Variants in SFI1 observed in about 807,000 individuals in gnomAD.
The protein encoded by SFI1 is SFI1 centrin binding protein, also known as protein SFI1 homolog.
Under a neutral mutation model 207.5 loss-of-function variants are expected in SFI1, and 195 were observed. The observed-to-expected ratio is 0.94, with a 90% CI of 0.84 to 1.06. The LOEUF (loss-of-function observed/expected upper bound fraction) is 1.06, where lower values mean the gene tolerates loss of function less well. Among genes scored for constraint, SFI1 ranks in the 50% least tolerant of loss-of-function variants. The pLI is 0.00. For missense variants in SFI1, 1,634 were observed against 1,588.0 expected (o/e 1.03, Z -0.49); for synonymous variants, 630 against 598.9 (o/e 1.05, Z -0.76).
chr22:31,579,948 G>A (rs2063918454), intron 11 of SFI1: 1 of 201,988 alleles, frequency 5.0e-6, no homozygotes, highest in Admixed American at 5.9e-5. Context: ...GGCAACAGTT[G>A]ATGTTTACCT....
At chr22:31,557,306 G>T (rs1415748993) in intron 7 of SFI1, among the ~76,000 whole-genome samples, 1 of 151,116 alleles carries the variant, frequency 6.6e-6, no homozygotes, top group African/African-American at 2.4e-5. Context: ...AGCCTCCCAA[G>T]TAGCTAGGAC....
Position 31,602,710 on chromosome 22 carries a change from G to T in SFI1, c.1730G>T (p.Cys577Phe). The change falls in exon 17 of 33, where the codon TGT becomes TTT. Residue 577 changes from cysteine to phenylalanine, a missense_variant. Physicochemically the swap from Cys to Phe is radical, Grantham distance 205. Coordinates refer to ENST00000400288, the MANE Select transcript of SFI1 (RefSeq NM_001007467.3). ...GAGCAGGAGTGGCAAACAGTGGCCT[G>T]TGCCCACCACCGCCACGGGCGGCTC... ...HQEQEWQTVA[C>F]AHHRHGRLKK... 1 of 1,614,040 alleles carries T rather than the reference G, an allele frequency of 6.2e-7. No homozygotes were observed. Among genetic ancestry groups the T allele is most frequent in the East Asian group, 2.2e-5 (1 of 44,886 alleles).
At chr22:31,507,602 C>T (rs2054832730) in intron 1 of SFI1, among the ~76,000 whole-genome samples, 1 of 152,140 alleles carries the variant, frequency 6.6e-6, no homozygotes, top group African/African-American at 2.4e-5. Flanking sequence ...AAAATTTTTG[C>T]ACTCTGTCCA....
At position 31,616,786 on chromosome 22, in the gene SFI1, C is replaced by G. The variant is rs961035954; in HGVS notation, c.3342C>G (p.Val1114=). ...QRATPRDKPP[V]PSSLASVPDP... The stretch of plus-strand genomic sequence containing the variant: ...CTACTCCTAGGGATAAGCCCCCGGT[C>G]CCCTCATCCCTGGCCAGTGTCCCTG... Residue 1114 remains valine, a synonymous_variant, in exon 30 of 33, where the codon GTC becomes GTG. Transcript: ENST00000400288. 3.1e-6 allele frequency: 5 copies of G among 1,600,280 alleles called. No individual in the cohort carries two copies. The highest frequency in any genetic ancestry group is 1.8e-5 in the Admixed American group (1 of 57,028).
At chr22:31,578,314 G>A in intron 10 of SFI1, 68 bp from the exon 11 acceptor site, 3 of 1,468,572 alleles carry the variant, frequency 2.0e-6, no homozygotes, top group Admixed American at 1.9e-5. Flanking sequence ...CTTCAAGGTG[G>A]CTTGCTGAGA....
Position 31,546,947 on chromosome 22 carries a change from G to T in SFI1, c.425G>T (p.Cys142Phe). 6.2e-7 allele frequency: 1 copy of T among 1,611,374 alleles called. No individual in the cohort carries two copies. Reference protein sequence around the residue: ...WWVFQHEWKLCVRADCHYRYY... With the variant: ...WWVFQHEWKLFVRADCHYRYY... ...GTTTTCCAGCACGAGTGGAAACTCTGTGTTCGAGCTGACTGTCACTACAGG... is the reference window on the plus strand; with the variant it reads ...GTTTTCCAGCACGAGTGGAAACTCTTTGTTCGAGCTGACTGTCACTACAGG... Residue 142 changes from cysteine (C) to phenylalanine (F), a missense_variant, in exon 5 of 33, where the codon TGT becomes TTT. By Grantham distance (205) the Cys-to-Phe change is radical. Transcript: ENST00000400288.
intron 22 of SFI1, among the ~76,000 whole-genome samples, chr22:31,610,814 C>A (rs905234048): frequency 1.3e-5 from 2 of 152,214 alleles, no homozygotes; most frequent in African/African-American, 2.4e-5. Flanking sequence ...TCTTCTTCCA[C>A]GTGCCCAGCA....
chr22:31,579,746 C>T (rs1424621655), intron 11 of SFI1, among the ~76,000 whole-genome samples: 1 of 152,182 alleles, frequency 6.6e-6, no homozygotes, highest in Non-Finnish European at 1.5e-5. Context: ...GCCACTGCAC[C>T]TGGCCTTTTA....
chr22:31,606,570 C>A, intron 21 of SFI1, 140 bp downstream of exon 21: 1 of 609,142 alleles, frequency 1.6e-6, no homozygotes, highest in Non-Finnish European at 2.9e-6. Context: ...CCAGCACACA[C>A]ACAAACATCC....
intron 2 of SFI1, among the ~76,000 whole-genome samples, chr22:31,510,222 T>C (rs1008218578): frequency 3.3e-5 from 5 of 151,998 alleles, no homozygotes; most frequent in Admixed American, 3.3e-4. Context: ...AGAGACAGGG[T>C]CTTGCTCTGT....
intron 8 of SFI1, among the ~76,000 whole-genome samples, chr22:31,568,183 GTGTGTGTGTGTTGTGTGTGTGTGTGTGTA>G (rs1410860578): frequency 1.3e-3 from 162 of 120,374 alleles, no homozygotes; most frequent in East Asian, 3.7e-3. Flanking sequence ...GTGTGTGTGT[GTGTGTGTGTGTTGTGTGTGTGTGTGTGTA>G]TATATATATA....
chr22:31,548,673 G>C (rs1433865962), intron 5 of SFI1, among the ~76,000 whole-genome samples: 1 of 151,668 alleles, frequency 6.6e-6, no homozygotes, highest in South Asian at 2.1e-4. Flanking sequence ...GCTGGGCATG[G>C]TGGCATGTGC....
At chr22:31,576,392 C>T (rs544993633) in intron 10 of SFI1, among the ~76,000 whole-genome samples, 4 of 152,114 alleles carry the variant, frequency 2.6e-5, no homozygotes, top group East Asian at 1.9e-4. Context: ...GCCATCTCAG[C>T]TTACCGCAAC....
At position 31,613,394 on chromosome 22, in the gene SFI1, G is replaced by C. The variant is rs1176955201; in HGVS notation, c.2606G>C (p.Arg869Thr). Residue 869 changes from arginine (R) to threonine (T), a missense_variant, in exon 26 of 33, where the codon AGA (arginine) becomes ACA (threonine). By Grantham distance (71) the Arg-to-Thr change is moderately conservative (BLOSUM62 -1). Transcript: ENST00000400288. ...CTGGCCTTTGTACTGGAAAGGAGGA[G>C]AAAGAAGGCGCGGCTGCAGTGGGCG... ...TWLAFVLERR[R>T]KKARLQWALQ... 2 of 1,611,642 alleles carry C rather than the reference G, an allele frequency of 1.2e-6. No individual in the cohort carries two copies. Among genetic ancestry groups the C allele is most frequent in the Non-Finnish European group, 1.7e-6 (2 of 1,179,690 alleles).
intron 1 of SFI1, among the ~76,000 whole-genome samples, chr22:31,501,940 G>T (rs557757938): frequency 8.5e-5 from 13 of 152,218 alleles, no homozygotes; most frequent in African/African-American, 2.9e-4. Context: ...ATGTCTAAAT[G>T]ATCCTAGTGT....
chr22:31,533,931 A>G (rs938564894), intron 4 of SFI1, among the ~76,000 whole-genome samples: 2 of 152,178 alleles, frequency 1.3e-5, no homozygotes, highest in Non-Finnish European at 2.9e-5. Context: ...CTGTCCAGAT[A>G]AGTTACAAAT....
chr22:31,536,248 A>G (rs929467982), intron 4 of SFI1, among the ~76,000 whole-genome samples: 2 of 152,126 alleles, frequency 1.3e-5, no homozygotes, highest in African/African-American at 4.8e-5. Flanking sequence ...GATAAAACTC[A>G]TAGTTTCAGC....
At position 31,584,066 on chromosome 22, in the gene SFI1, TGTGGCA is replaced by T. The variant is rs2064701075; in HGVS notation, c.1346+96_1346+101del. 4 of 1,055,202 alleles carry T rather than the reference TGTGGCA, an allele frequency of 3.8e-6. No individual in the cohort carries two copies. In the Admixed American group the frequency reaches 7.0e-5, roughly 19 times the overall value. 65.4% of individuals were successfully genotyped at this position (1,055,202 alleles called of 1,614,324 possible). ...AATTGCTTGCCCTTCTATGCGTTAG[TGTGGCA>T]GATTCAGAAAGGCCTGCTGGGGTGG... On this transcript the variant is annotated intron_variant, in intron 13 of 32. Transcript: ENST00000400288.
At position 31,531,064 on chromosome 22, in the gene SFI1, G is replaced by A; in HGVS notation, c.273G>A (p.Val91=). ...CTTTTTTTCCTTCTTTCAGATGCGT[G>A]GCCAGAAAGTTCTTATATTTATGGA... ...GRLRELRIRC[V]ARKFLYLWIR... is the part of the protein sequence containing the mutation. The change falls in exon 4 of 33, where the codon GTG becomes GTA. Residue 91 remains valine (V), a synonymous_variant. Transcript: ENST00000400288. 1 of 1,611,162 alleles carries A rather than the reference G, an allele frequency of 6.2e-7. No homozygotes were observed. Among genetic ancestry groups the A allele is most frequent in the Non-Finnish European group, 8.5e-7 (1 of 1,179,216 alleles).
Sources: gnomAD v4.1 joint callset for allele counts (sites outside exome capture counted in the v4.1 genomes callset) on GRCh38, gnomAD v4.1.1 for gene constraint, MANE v1.5 for transcripts, NCBI Gene and HGNC (gene_info 2026-07-23, HGNC 2026-07-21) for gene names.